AMBP: variants seen among roughly 807,000 people sequenced by gnomAD.
AMBP encodes alpha-1-microglobulin/bikunin precursor, also known as protein AMBP.
In AMBP, 37 loss-of-function variants were observed where a neutral mutation model predicts 46.3. The ratio of observed to expected loss-of-function variants is 0.80; its 90% CI spans 0.61 to 1.05. AMBP has a LOEUF of 1.05. AMBP is among the 50% of genes least tolerant of loss of function. The probability of loss-of-function intolerance (pLI) is 0.00; values close to 1 mark genes in which losing one functional copy is unlikely to be tolerated. For synonymous variants in AMBP, 174 were observed against 175.9 expected, an observed-to-expected ratio of 0.99 and a Z score of 0.09; for missense variants, 475 against 461.2, an observed-to-expected ratio of 1.03 and a Z score of -0.27.
At position 114,076,608 on chromosome 9, in the gene AMBP, T is replaced by A. The variant is rs764030690; in HGVS notation, c.250A>T (p.Thr84Ser). The change falls in exon 2 of 10, where the codon ACT becomes TCT. Residue 84 changes from threonine to serine, a missense_variant. Around this residue, in one of 3 missense-constraint regions of AMBP, gnomAD observed 179 missense variants for 167.4 expected, o/e 1.07. Coordinates refer to ENST00000265132, the MANE Select transcript of AMBP (RefSeq NM_001633.4). ...CACCCTAGTGCTCACCGCCAACGAG[T>A]GCTGGTCATGCTGATCTCCGCCTCT... ...ATEAEISMTS[T>S]RWRKGVCEET... 2 of 1,613,656 alleles carry A rather than the reference T, an allele frequency of 1.2e-6. No homozygotes were observed. The highest frequency in any genetic ancestry group is 1.7e-5 in the Admixed American group (1 of 59,988).
intron 2 of AMBP, among the ~76,000 whole-genome samples, chr9:114,076,252 G>A (rs1410186319): frequency 6.6e-6 from 1 of 151,810 alleles, no homozygotes; most frequent in Non-Finnish European, 1.5e-5. Flanking sequence ...GGTTGGGGGG[G>A]ATTTAGGAGG....
chr9:114,068,808 TAAAAAA>T (rs34177397), intron 6 of AMBP, among the ~76,000 whole-genome samples: 5 of 97,130 alleles, frequency 5.1e-5, no homozygotes, highest in East Asian at 3.0e-4. Context: ...GTGGTGAGAT[TAAAAAA>T]AAAAAAAAAA....
intron 6 of AMBP, among the ~76,000 whole-genome samples, chr9:114,069,063 T>C (rs1846719686): frequency 6.6e-6 from 1 of 151,832 alleles, no homozygotes; most frequent in African/African-American, 2.4e-5. Context: ...TTTATATATA[T>C]ACACATATAT....
chr9:114,075,597 T>G (rs911698594), intron 2 of AMBP, among the ~76,000 whole-genome samples: 17 of 152,224 alleles, frequency 1.1e-4, no homozygotes, highest in African/African-American at 3.9e-4. Context: ...AGCCCTGTGC[T>G]ACATGGCAGG....
chr9:114,063,939 G>A (rs1262938174), intron 6 of AMBP, among the ~76,000 whole-genome samples: 1 of 152,176 alleles, frequency 6.6e-6, no homozygotes, highest in Non-Finnish European at 1.5e-5. Context: ...AGAAAGATTT[G>A]AGTTGCCCAA....
chr9:114,061,215 C>T, intron 8 of AMBP, 117 bp from the exon 9 acceptor site: 1 of 1,416,156 alleles, frequency 7.1e-7, no homozygotes, highest in Non-Finnish European at 9.5e-7. Flanking sequence ...CCCTCGTTGA[C>T]AGATGGGGAA....
intron 5 of AMBP, among the ~76,000 whole-genome samples, chr9:114,071,263 C>T (rs562358647): frequency 2.0e-5 from 3 of 152,366 alleles, no homozygotes; most frequent in South Asian, 4.1e-4. Flanking sequence ...CTCCCACTGC[C>T]TGGCTTCTCT....
intron 1 of AMBP, 26 bp downstream of exon 1, chr9:114,078,067 C>A: frequency 6.2e-7 from 1 of 1,612,828 alleles, no homozygotes; most frequent in South Asian, 1.1e-5. Context: ...CCACATCCAC[C>A]CTACCACAGA....
chr9:114,064,049 G>T (rs778865315), intron 6 of AMBP, among the ~76,000 whole-genome samples: 5 of 152,176 alleles, frequency 3.3e-5, no homozygotes, highest in Non-Finnish European at 7.3e-5. Flanking sequence ...CAGAGTAAGT[G>T]ACAGCATTTA....
At chr9:114,063,465 C>T (rs10759680) in intron 6 of AMBP, among the ~76,000 whole-genome samples, 34,139 of 152,172 alleles carry the variant, frequency 0.22, 4,100 homozygotes, top group East Asian at 0.39. Context: ...GGGACTTTCA[C>T]TGTCTTCCAG....
chr9:114,062,820 C>T, intron 6 of AMBP, 62 bp from the exon 7 acceptor site: 1 of 1,491,044 alleles, frequency 6.7e-7, no homozygotes, highest in Non-Finnish European at 9.4e-7. Context: ...CTTTCCTGTA[C>T]CCCTGGAATA....
intron 6 of AMBP, among the ~76,000 whole-genome samples, chr9:114,064,986 C>G (rs1428844098): frequency 6.6e-6 from 1 of 152,064 alleles, no homozygotes; most frequent in African/African-American, 2.4e-5. Flanking sequence ...AAATGGAGTT[C>G]ACAGAATGGG....
At chr9:114,075,936 G>C (rs1190670517) in intron 2 of AMBP, among the ~76,000 whole-genome samples, 2 of 152,158 alleles carry the variant, frequency 1.3e-5, no homozygotes, top group Non-Finnish European at 2.9e-5. Context: ...CTGAAAGCAG[G>C]TTCACGTGAG....
In AMBP at chr9:114,061,406, G is replaced by A. The variant is rs369949875; in HGVS notation, c.853+18C>T. The A allele has an allele frequency of 2.5e-6, 4 of 1,613,882 alleles. No individual in the cohort carries two copies. The African/African-American group carries it at 4.0e-5, about 16-fold the overall frequency. The stretch of plus-strand genomic sequence containing the variant: ...TCTTGAGGGTGCAGAGCGCACAGGG[G>A]TGGGGACCCGCACTCACCCACAGTT... On this transcript the variant is annotated intron_variant, in intron 8 of 9. Coordinates refer to ENST00000265132, the MANE Select transcript of AMBP (RefSeq NM_001633.4).
Position 114,074,952 on chromosome 9 carries a change from C to T in AMBP, c.337+8G>A, listed in dbSNP as rs767492688. 2.5e-6 allele frequency: 4 copies of T among 1,613,010 alleles called. No individual in the cohort carries two copies. In the South Asian group the frequency reaches 4.4e-5, roughly 18 times the overall value. On this transcript the variant is annotated splice_region_variant and intron_variant, in intron 3 of 9. Transcript: ENST00000265132. ...GAGAATGCATGTGTCTCTTTCCACT[C>T]CACTTACTGGATTTGTGATAGAGAA... is the stretch of plus-strand genomic sequence containing the variant.
At chr9:114,072,110 T>C (rs1846751463) in intron 5 of AMBP, among the ~76,000 whole-genome samples, 1 of 152,202 alleles carries the variant, frequency 6.6e-6, no homozygotes, top group Non-Finnish European at 1.5e-5. Context: ...ACATGCCCTT[T>C]GCTCACCACA....
In AMBP at chr9:114,078,181, A is replaced by T; in HGVS notation, c.29T>A (p.Leu10Gln). 2 of 1,613,192 alleles carry T rather than the reference A, an allele frequency of 1.2e-6. No individual in the cohort carries two copies. The highest frequency in any genetic ancestry group is 1.7e-6 in the Non-Finnish European group (2 of 1,180,008). ...GCTCACCGCCAGGCAGGCGCTCAGC[A>T]GCAAGAGCAGGGCCCCGAGGCTCCT... MRSLGALLL[L>Q]LSACLAVSAG... is the part of the protein sequence containing the mutation. The change falls in exon 1 of 10, where the codon CTG (leucine) becomes CAG (glutamine). Residue 10 changes from leucine to glutamine, a missense_variant. Leu to Gln is a moderately radical substitution (Grantham distance 113). Transcript: ENST00000265132.
At position 114,061,455 on chromosome 9, in the gene AMBP, T is replaced by G; in HGVS notation, c.822A>C (p.Glu274Asp). 6.2e-7 allele frequency: 1 copy of G among 1,614,062 alleles called. No individual in the cohort carries two copies. The highest frequency in any genetic ancestry group is 8.5e-7 in the Non-Finnish European group (1 of 1,179,994). ...TTCGGCAGGTCTGCAGACACTCCTTTTCTGTGACGAAGTTGTTACCGTTGC... is the reference window on the plus strand; with the variant it reads ...TTCGGCAGGTCTGCAGACACTCCTTGTCTGTGACGAAGTTGTTACCGTTGC... ...CMGNGNNFVT[E>D]KECLQTCRTV... The change falls in exon 8 of 10, where the codon GAA becomes GAC. Residue 274 changes from glutamate (E) to aspartate (D), a missense_variant. Transcript: ENST00000265132.
chr9:114,068,806 A>AT (rs1249491702), intron 6 of AMBP, among the ~76,000 whole-genome samples: 3 of 119,568 alleles, frequency 2.5e-5, no homozygotes, highest in Non-Finnish European at 5.0e-5. Flanking sequence ...AGGTGGTGAG[A>AT]TTAAAAAAAA....
Sources: allele counts gnomAD v4.1 joint callset (sites outside exome capture counted in the v4.1 genomes callset), GRCh38; gene constraint gnomAD v4.1.1; regional missense constraint gnomAD v4.1.1; transcripts MANE v1.5; gene names NCBI Gene and HGNC (gene_info 2026-07-23, HGNC 2026-07-21).